The following DPP10 variants were observed in gnomAD, a reference collection of about 807,000 sequenced individuals.
The protein encoded by DPP10 is dipeptidyl peptidase like 10, also known as inactive dipeptidyl peptidase 10.
A neutral mutation model predicts 120.9 loss-of-function variants in DPP10; 33 were observed. That is an observed-to-expected ratio of 0.27 (90% confidence interval 0.21 to 0.37). The LOEUF is 0.37. Ranked by LOEUF, DPP10 falls within the 10% of genes least tolerant of loss-of-function variation. The pLI is 1.00. For missense variants in DPP10, 816 were observed against 942.8 expected (o/e 0.87, Z 1.76); for synonymous variants, 337 against 326.1 (o/e 1.03, Z -0.36).
At chr2:115,277,727 G>A (rs1177296164) in intron 1 of DPP10, among the ~76,000 whole-genome samples, 3 of 151,794 alleles carry the variant, frequency 2.0e-5, no homozygotes, top group Non-Finnish European at 2.9e-5. Flanking sequence ...GTTTATGACA[G>A]TATTTCTTTC....
At chr2:115,272,180 G>A (rs911771754) in intron 1 of DPP10, among the ~76,000 whole-genome samples, 1 of 152,170 alleles carries the variant, frequency 6.6e-6, no homozygotes, top group African/African-American at 2.4e-5. Flanking sequence ...TATATTGTGA[G>A]TGTTTTCTTT....
At chr2:114,540,782 A>G (rs753824456) in intron 1 of DPP10, among the ~76,000 whole-genome samples, 2 of 152,164 alleles carry the variant, frequency 1.3e-5, no homozygotes, top group Non-Finnish European at 2.9e-5. Flanking sequence ...GTTTAGCGAA[A>G]GGTCTTTCAA....
chr2:115,073,433 G>A (rs1707536218), intron 1 of DPP10, among the ~76,000 whole-genome samples: 1 of 152,242 alleles, frequency 6.6e-6, no homozygotes, highest in African/African-American at 2.4e-5. Context: ...GCAGGGCACA[G>A]TGGAGGTGGG....
intron 3 of DPP10, among the ~76,000 whole-genome samples, chr2:115,464,200 G>A (rs892219497): frequency 1.3e-5 from 2 of 152,152 alleles, no homozygotes; most frequent in African/African-American, 4.8e-5. Flanking sequence ...ATGTGATAGA[G>A]CAGTCCCAGT....
chr2:114,903,570 T>C (rs1693750450), intron 1 of DPP10, among the ~76,000 whole-genome samples: 1 of 152,216 alleles, frequency 6.6e-6, no homozygotes, highest in African/African-American at 2.4e-5. Context: ...TCAATATCTC[T>C]TCTTTGATAC....
intron 1 of DPP10, among the ~76,000 whole-genome samples, chr2:115,173,929 C>G (rs937115206): frequency 6.6e-6 from 1 of 152,146 alleles, no homozygotes; most frequent in Non-Finnish European, 1.5e-5. Context: ...GAGTTCCTCC[C>G]ACCTAGGTTA....
At chr2:115,643,850 T>A (rs1366188879) in intron 5 of DPP10, among the ~76,000 whole-genome samples, 1 of 152,200 alleles carries the variant, frequency 6.6e-6, no homozygotes, top group South Asian at 2.1e-4. Context: ...TGTCACTGTT[T>A]AGGGCAAATC....
chr2:114,476,429 A>G (rs1311170192), intron 1 of DPP10, among the ~76,000 whole-genome samples: 1 of 152,190 alleles, frequency 6.6e-6, no homozygotes, highest in Non-Finnish European at 1.5e-5. Flanking sequence ...TTTTCTCTCT[A>G]TTAGAAATAT....
At chr2:115,195,059 G>C (rs1217673719) in intron 1 of DPP10, among the ~76,000 whole-genome samples, 1 of 152,126 alleles carries the variant, frequency 6.6e-6, no homozygotes, top group Admixed American at 6.5e-5. Context: ...TTCAGTGTGC[G>C]CTCATGATGA....
At chr2:115,527,173 A>C (rs1305541983) in intron 5 of DPP10, among the ~76,000 whole-genome samples, 1 of 152,140 alleles carries the variant, frequency 6.6e-6, no homozygotes, top group Non-Finnish European at 1.5e-5. Flanking sequence ...CAGTAGGACA[A>C]ACACATAGAT....
intron 1 of DPP10, among the ~76,000 whole-genome samples, chr2:114,674,419 T>C (rs2105659849): frequency 6.6e-6 from 1 of 152,122 alleles, no homozygotes; most frequent in East Asian, 1.9e-4. Flanking sequence ...TTTACCATAA[T>C]TAGCAATGCC....
chr2:115,821,835 T>C (rs1270848468), intron 21 of DPP10, among the ~76,000 whole-genome samples: 1 of 152,044 alleles, frequency 6.6e-6, no homozygotes, highest in African/African-American at 2.4e-5. Flanking sequence ...ATTATAAACG[T>C]GTACGCTTGT....
chr2:114,638,391 C>T lies in DPP10; in HGVS notation c.60+195553C>T, dbSNP rs140569719. 1.8e-3 allele frequency among the ~76,000 whole-genome samples: 272 copies of T among 151,714 alleles called. 4 individuals are homozygous for T. The highest frequency in any genetic ancestry group is 6.1e-3 in the African/African-American group (253 of 41,144). On this transcript the variant is annotated intron_variant, in intron 1 of 25. Coordinates refer to ENST00000410059, the MANE Select transcript of DPP10 (RefSeq NM_020868.6). ...AAATATTTGCAAACCATACATCTAA[C>T]GAAGGACTAAAATCCAGAATCTATA...
intron 25 of DPP10, among the ~76,000 whole-genome samples, chr2:115,841,371 C>T (rs910229449): frequency 2.6e-5 from 4 of 152,112 alleles, no homozygotes; most frequent in Admixed American, 6.6e-5. Context: ...TTATCAAGGA[C>T]ATTACAGTGG....
At chr2:115,640,466 AG>A (rs2086690254) in intron 5 of DPP10, among the ~76,000 whole-genome samples, 1 of 149,998 alleles carries the variant, frequency 6.7e-6, no homozygotes, top group Non-Finnish European at 1.5e-5. Context: ...AAAAGAAGAA[AG>A]GAAAAAAAAA....
At chr2:115,407,354 C>G (rs139402604) in intron 3 of DPP10, among the ~76,000 whole-genome samples, 2 of 152,262 alleles carry the variant, frequency 1.3e-5, no homozygotes, top group East Asian at 1.9e-4. Context: ...AGGAGCACAT[C>G]TAACTGCCCT....
At chr2:115,009,817 C>G (rs567541976) in intron 1 of DPP10, among the ~76,000 whole-genome samples, 1 of 152,112 alleles carries the variant, frequency 6.6e-6, no homozygotes, top group South Asian at 2.1e-4. Flanking sequence ...CTAATATGAC[C>G]TTTATACATT....
intron 1 of DPP10, among the ~76,000 whole-genome samples, chr2:114,454,954 A>C (rs948012088): frequency 6.6e-6 from 1 of 152,158 alleles, no homozygotes; most frequent in South Asian, 2.1e-4. Flanking sequence ...TGAAGGCTCA[A>C]AAAGAACTTG....
At chr2:114,563,710 T>G (rs907398100) in intron 1 of DPP10, among the ~76,000 whole-genome samples, 1 of 152,220 alleles carries the variant, frequency 6.6e-6, no homozygotes, top group Non-Finnish European at 1.5e-5. Flanking sequence ...CTTAGGCATG[T>G]GCATTGGCTC....
Sources: gnomAD v4.1 joint callset for allele counts (sites outside exome capture counted in the v4.1 genomes callset) on GRCh38, gnomAD v4.1.1 for gene constraint, MANE v1.5 for transcripts, NCBI Gene and HGNC (gene_info 2026-07-23, HGNC 2026-07-21) for gene names.